The following TOP1 variants were observed in gnomAD, a reference collection of about 807,000 sequenced individuals.
TOP1 encodes DNA topoisomerase 1.
A neutral mutation model predicts 111.1 loss-of-function variants in TOP1; 10 were observed. The ratio of observed to expected loss-of-function variants is 0.09; its 90% CI spans 0.06 to 0.15. The LOEUF (loss-of-function observed/expected upper bound fraction) is 0.15. Among genes scored for constraint, TOP1 ranks in the 10% least tolerant of loss-of-function variants. The pLI, the probability that TOP1 is intolerant of heterozygous loss-of-function variation, is 1.00. For synonymous variants in TOP1, 271 were observed against 302.9 expected, an observed-to-expected ratio of 0.89 and a Z score of 1.10; for missense variants, 474 against 926.7, an observed-to-expected ratio of 0.51 and a Z score of 6.34.
chr20:41,099,962 C>G (rs1242568398), intron 11 of TOP1, 94 bp from the exon 12 acceptor site: 3 of 799,228 alleles, frequency 3.8e-6, no homozygotes, highest in African/African-American at 3.5e-5. Flanking sequence ...TCAGACTTTC[C>G]TCTACCTTGA....
In TOP1 at chr20:41,080,863, A is replaced by T. The variant is rs571687311; in HGVS notation, c.432-302A>T. Reference sequence around the variant, plus strand: ...CTTTTATTTTTATTTATTTTATTTTATTTTTTTTCCCAGACTTTCATCTGA... The same window carrying T: ...CTTTTATTTTTATTTATTTTATTTTTTTTTTTTTCCCAGACTTTCATCTGA... On this transcript the variant is annotated intron_variant, in intron 6 of 20. Coordinates refer to ENST00000361337, the MANE Select transcript of TOP1 (RefSeq NM_003286.4). This position sits in a 1 kb window ranked among gnomAD's most constrained non-coding sequence, Gnocchi z 5.0. 7.4e-4 allele frequency among the ~76,000 whole-genome samples: 112 copies of T among 151,032 alleles called. No homozygotes were observed. Among genetic ancestry groups the T allele is most frequent in the African/African-American group, 2.2e-3 (89 of 41,150 alleles).
At chr20:41,033,640 G>T (rs1194442342) in intron 2 of TOP1, among the ~76,000 whole-genome samples, 2 of 152,152 alleles carry the variant, frequency 1.3e-5, no homozygotes, top group Non-Finnish European at 1.5e-5. Context: ...TATGGAAAAT[G>T]ATTCTGTTGT....
chr20:41,087,575 T>C lies in TOP1; in HGVS notation c.614+3007T>C, dbSNP rs140909095. 5.9e-3 allele frequency among the ~76,000 whole-genome samples: 903 copies of C among 152,358 alleles called. 7 individuals are homozygous for C. Among genetic ancestry groups the C allele is most frequent in the South Asian group, 0.019 (91 of 4,828 alleles). ...GTTGCAAGACCAAGACTCATAAATA[T>C]ATGGTCAATGATAGTGGTAAGAAAT... On this transcript the variant is annotated intron_variant, in intron 8 of 20. Transcript: ENST00000361337.
In TOP1 at chr20:41,071,405, C is replaced by T. The variant is rs2033667479; in HGVS notation, c.156-4766C>T. 2.0e-5 allele frequency among the ~76,000 whole-genome samples: 3 copies of T among 151,336 alleles called. No homozygotes were observed. The highest frequency in any genetic ancestry group is 2.1e-4 in the South Asian group (1 of 4,800). On this transcript the variant is annotated intron_variant, in intron 3 of 20. Coordinates refer to ENST00000361337, the MANE Select transcript of TOP1 (RefSeq NM_003286.4). This position sits in a 1 kb window ranked among gnomAD's most constrained non-coding sequence, Gnocchi z 4.3. ...CTATCGCCAGGCTGGAGTGCAGTGG[C>T]GTGATCTCGGCTCACTGCAGCCTCT...
Position 41,110,144 on chromosome 20 carries a change from C to T in TOP1, c.1309-2638C>T, listed in dbSNP as rs1045193711. Among the ~76,000 whole-genome samples, 3 of 151,978 alleles carry T rather than the reference C, an allele frequency of 2.0e-5. No individual in the cohort carries two copies. The highest frequency in any genetic ancestry group is 7.2e-5 in the African/African-American group (3 of 41,382). On this transcript the variant is annotated intron_variant, in intron 13 of 20. Coordinates refer to ENST00000361337, the MANE Select transcript of TOP1 (RefSeq NM_003286.4). The surrounding 1 kb of genome is among the most constrained non-coding windows in gnomAD (Gnocchi z 4.2). ...TCTACAAAAAAATACAAAAATTAGC[C>T]GAGGGTGGCGCACACCTGTAATCTC...
chr20:41,038,369 CT>C (rs1300478014), intron 2 of TOP1, among the ~76,000 whole-genome samples: 1 of 152,128 alleles, frequency 6.6e-6, no homozygotes, highest in East Asian at 1.9e-4. Flanking sequence ...AAAGGTGAAG[CT>C]TAGAACAGAA....
rs377184097 is a variant in TOP1, at chr20:41,100,184, C to T, written c.1104C>T (p.Pro368=). Residue 368 remains proline (P), a synonymous_variant, in exon 12 of 21, where the codon CCC becomes CCT. Transcript: ENST00000361337. The surrounding 1 kb of genome is among the most constrained non-coding windows in gnomAD (Gnocchi z 4.4). ...TTTTCCGTGGCCGCGGCAACCACCC[C>T]AAGATGGGCATGCTGAAGAGACGAA... ...PGLFRGRGNH[P]KMGMLKRRIM... The T allele has an allele frequency of 6.2e-7, 1 of 1,614,054 alleles. No individual in the cohort carries two copies. The highest frequency in any genetic ancestry group is 1.3e-5 in the African/African-American group (1 of 75,024).
At chr20:41,031,435 A>C (rs545243061) in intron 2 of TOP1, among the ~76,000 whole-genome samples, 2 of 152,340 alleles carry the variant, frequency 1.3e-5, no homozygotes, top group East Asian at 3.9e-4. Context: ...GTTCTCACCT[A>C]AGTCACGTGA....
In TOP1 at chr20:41,102,147, T is replaced by C. The variant is rs1223753719; in HGVS notation, c.1308+794T>C. ...CTGGGACTAAAGACCTTCTTGATCC[T>C]CGTTCATAGGTTATAACATCTGTTA... is the stretch of plus-strand genomic sequence containing the variant. On this transcript the variant is annotated intron_variant, in intron 13 of 20. Transcript: ENST00000361337. This position sits in a 1 kb window ranked among gnomAD's most constrained non-coding sequence, Gnocchi z 4.0. Among the ~76,000 whole-genome samples, 2 of 152,364 alleles carry C rather than the reference T, an allele frequency of 1.3e-5. No individual in the cohort carries two copies. Among genetic ancestry groups the C allele is most frequent in the East Asian group, 3.9e-4 (2 of 5,182 alleles).
In TOP1 at chr20:41,095,312, C is replaced by T. The variant is rs770099042; in HGVS notation, c.731-1908C>T. On this transcript the variant is annotated intron_variant, in intron 9 of 20. Transcript: ENST00000361337. The surrounding 1 kb of genome is among the most constrained non-coding windows in gnomAD (Gnocchi z 4.6). The stretch of plus-strand genomic sequence containing the variant: ...GATCCTTGCACCGCCTCCTAAAGTG[C>T]TGGGATTACAGATGTGAACCACCAT... Among the ~76,000 whole-genome samples, 1 of 152,184 alleles carries T rather than the reference C, an allele frequency of 6.6e-6. No homozygotes were observed. Among genetic ancestry groups the T allele is most frequent in the Non-Finnish European group, 1.5e-5 (1 of 68,038 alleles).
In TOP1 at chr20:41,114,699, G is replaced by A. The variant is rs1384234483; in HGVS notation, c.1638+544G>A. 6.6e-6 allele frequency among the ~76,000 whole-genome samples: 1 copy of A among 152,222 alleles called. No individual in the cohort carries two copies. The highest frequency in any genetic ancestry group is 2.4e-5 in the African/African-American group (1 of 41,438). The stretch of plus-strand genomic sequence containing the variant: ...GCCTTTCTCCAACTCCTGACTGAGT[G>A]AAAGGTTAATGTTAGTCCCCAGATC... On this transcript the variant is annotated intron_variant, in intron 15 of 20. Transcript: ENST00000361337. This position sits in a 1 kb window ranked among gnomAD's most constrained non-coding sequence, Gnocchi z 4.5.
In TOP1 at chr20:41,030,494, T is replaced by C. The variant is rs2033105297; in HGVS notation, c.58+1039T>C. On this transcript the variant is annotated intron_variant, in intron 2 of 20. Transcript: ENST00000361337. This position sits in a 1 kb window ranked among gnomAD's most constrained non-coding sequence, Gnocchi z 4.1. ...AACTGGCTTTTTTTTTTTTTCCCAATTCTTTATGTTTTTGAACCCTTTTCA... is the reference window on the plus strand; with the variant it reads ...AACTGGCTTTTTTTTTTTTTCCCAACTCTTTATGTTTTTGAACCCTTTTCA... Among the ~76,000 whole-genome samples the C allele has an allele frequency of 6.6e-6, 1 of 151,912 alleles. No homozygotes were observed. Among genetic ancestry groups the C allele is most frequent in the South Asian group, 2.1e-4 (1 of 4,820 alleles).
intron 2 of TOP1, among the ~76,000 whole-genome samples, chr20:41,045,601 G>A (rs1390357100): frequency 6.6e-6 from 1 of 152,200 alleles, no homozygotes; most frequent in Non-Finnish European, 1.5e-5. Flanking sequence ...TTATATTTAT[G>A]TACACCTTTA....
chr20:41,063,152 G>A (rs1219927857), intron 3 of TOP1, among the ~76,000 whole-genome samples: 1 of 152,088 alleles, frequency 6.6e-6, no homozygotes, highest in African/African-American at 2.4e-5. Context: ...ATGAGCACCC[G>A]ATGTTTAGCT....
At chr20:41,075,156 AACCTCT>A (rs2033711367) in intron 3 of TOP1, among the ~76,000 whole-genome samples, 1 of 152,068 alleles carries the variant, frequency 6.6e-6, no homozygotes, top group African/African-American at 2.4e-5. Flanking sequence ...CACCAAAATA[AACCTCT>A]TTTTAAAATT....
Position 41,028,989 on chromosome 20 carries a change from C to T in TOP1, c.-79C>T, listed in dbSNP as rs983008492. 3 of 1,305,794 alleles carry T rather than the reference C, an allele frequency of 2.3e-6. No individual in the cohort carries two copies. The highest frequency in any genetic ancestry group is 2.5e-5 in the South Asian group (2 of 78,918). 80.9% of individuals were successfully genotyped at this position (1,305,794 alleles called of 1,614,324 possible). A position where few individuals can be genotyped will look rare whatever the true frequency, so the allele number is the denominator to read the frequency against. ...TCCTCGAGCCTCCGGAGTCCCCGTC[C>T]GCCCGCACAGGCCGGTTCGCCGTCT... On this transcript the variant is annotated 5_prime_UTR_variant, in exon 1 of 21. Coordinates refer to ENST00000361337, the MANE Select transcript of TOP1 (RefSeq NM_003286.4).
chr20:41,029,548 G>A lies in TOP1; in HGVS notation c.58+93G>A, dbSNP rs750480365. 17 of 1,023,490 alleles carry A rather than the reference G, an allele frequency of 1.7e-5. No individual in the cohort carries two copies. The highest frequency in any genetic ancestry group is 2.4e-5 in the Non-Finnish European group (16 of 676,436). The allele number at this position is 1,023,490 out of a possible 1,614,324, so 63.4% of individuals were successfully genotyped here. A position where few individuals can be genotyped will look rare whatever the true frequency, so the allele number is the denominator to read the frequency against. ...GTGCCGGGCAGAGGACAGACATGGC[G>A]TCCCAGAGACTAAGTCCCGGCTCCT... is the stretch of plus-strand genomic sequence containing the variant. On this transcript the variant is annotated intron_variant, in intron 2 of 20. Transcript: ENST00000361337. This position sits in a 1 kb window ranked among gnomAD's most constrained non-coding sequence, Gnocchi z 6.1.
At position 41,116,383 on chromosome 20, in the gene TOP1, C is replaced by T. The variant is rs1210067669; in HGVS notation, c.1813C>T (p.Leu605=). The change falls in exon 17 of 21, where the codon CTG becomes TTG. Residue 605 remains leucine, a synonymous_variant. Coordinates refer to ENST00000361337, the MANE Select transcript of TOP1 (RefSeq NM_003286.4). This position sits in a 1 kb window ranked among gnomAD's most constrained non-coding sequence, Gnocchi z 5.6. ...SITLQQQLKE[L]TAPDENIPAK... is the part of the protein sequence containing the mutation. ...CACGCTACAGCAGCAGCTAAAAGAA[C>T]TGACAGCCCGTAAGTATTGCTTGGC... The T allele has an allele frequency of 6.2e-7, 1 of 1,613,870 alleles. No individual in the cohort carries two copies. The highest frequency in any genetic ancestry group is 2.2e-5 in the East Asian group (1 of 44,896).
In TOP1 at chr20:41,118,748, T is replaced by C. The variant is rs941509736; in HGVS notation, c.1950+452T>C. On this transcript the variant is annotated intron_variant, in intron 18 of 20. Coordinates refer to ENST00000361337, the MANE Select transcript of TOP1 (RefSeq NM_003286.4). The surrounding 1 kb of genome is among the most constrained non-coding windows in gnomAD (Gnocchi z 4.6). ...ATCCTAGCATAGCTATTTTTATTTTTACGCATTCCACATGAATCATATTTT... is the reference window on the plus strand; with the variant it reads ...ATCCTAGCATAGCTATTTTTATTTTCACGCATTCCACATGAATCATATTTT... Among the ~76,000 whole-genome samples the C allele has an allele frequency of 1.3e-5, 2 of 152,242 alleles. No homozygotes were observed. The highest frequency in any genetic ancestry group is 2.9e-5 in the Non-Finnish European group (2 of 68,046).
Sources: allele counts gnomAD v4.1 joint callset (sites outside exome capture counted in the v4.1 genomes callset), GRCh38; gene constraint gnomAD v4.1.1; non-coding constraint Gnocchi (gnomAD v3.1); transcripts MANE v1.5; gene names NCBI Gene and HGNC (gene_info 2026-07-23, HGNC 2026-07-21).